HMGCL: variants seen among roughly 807,000 people sequenced by gnomAD.
HMGCL encodes 3-hydroxy-3-methylglutaryl-CoA lyase.
In HMGCL, 26 loss-of-function variants were observed where a neutral mutation model predicts 37.3. The ratio of observed to expected loss-of-function variants is 0.70; its 90% CI spans 0.51 to 0.97. The LOEUF is 0.97. Ranked by LOEUF, HMGCL falls within the 50% of genes least tolerant of loss-of-function variation. The pLI is 0.00. For synonymous variants in HMGCL, 151 were observed against 148.0 expected, an observed-to-expected ratio of 1.02 and a Z score of -0.15; for missense variants, 379 against 398.1, an observed-to-expected ratio of 0.95 and a Z score of 0.41.
In HMGCL at chr1:23,825,401, C is replaced by G. The variant is rs1382612083; in HGVS notation, c.15G>C (p.Arg5Ser). The G allele has an allele frequency of 6.4e-7, 1 of 1,560,254 alleles. No individual in the cohort carries two copies. Among genetic ancestry groups the G allele is most frequent in the African/African-American group, 1.4e-5 (1 of 73,424 alleles). ...CCACCAGTCGCCGCGGAAGCGCCTT[C>G]CTCATTGCTGCCATCTTGGCCCAGA... is the stretch of plus-strand genomic sequence containing the variant. MAAM[R>S]KALPRRLVGL... The change falls in exon 1 of 9, where the codon AGG becomes AGC. Residue 5 changes from arginine to serine, a missense_variant. Coordinates refer to ENST00000374490, the MANE Select transcript of HMGCL (RefSeq NM_000191.3).
intron 2 of HMGCL, among the ~76,000 whole-genome samples, chr1:23,818,612 C>G (rs927755398): frequency 1.3e-5 from 2 of 151,652 alleles, no homozygotes; most frequent in African/African-American, 2.4e-5. Context: ...AGTGCAGTGG[C>G]ACAATCTCAG....
chr1:23,804,691 T>G (rs1638369500), intron 7 of HMGCL, among the ~76,000 whole-genome samples, 166 bp from the exon 8 acceptor site: 1 of 152,196 alleles, frequency 6.6e-6, no homozygotes, highest in Non-Finnish European at 1.5e-5. Context: ...AGACAGTGCT[T>G]CTCCTTTTAG....
At chr1:23,805,082 CAA>C (rs1195078393) in intron 7 of HMGCL, among the ~76,000 whole-genome samples, 1 of 152,110 alleles carries the variant, frequency 6.6e-6, no homozygotes, top group Non-Finnish European at 1.5e-5. Flanking sequence ...TGGATGCAAT[CAA>C]GAGATGTCTC....
intron 4 of HMGCL, 35 bp downstream of exon 4, chr1:23,816,640 T>A (rs1557491808): frequency 2.3e-6 from 3 of 1,281,872 alleles, no homozygotes; most frequent in Non-Finnish European, 3.4e-6. Context: ...ATCAATCTCA[T>A]TTCAGGAGCC....
At chr1:23,817,740 T>C (rs1321225698) in intron 2 of HMGCL, among the ~76,000 whole-genome samples, 157 bp from the exon 3 acceptor site, 3 of 152,260 alleles carry the variant, frequency 2.0e-5, no homozygotes, top group Non-Finnish European at 2.9e-5. Context: ...TATTCTGCCA[T>C]GCAGGCTTTC....
Position 23,822,096 on chromosome 1 carries a change from C to T in HMGCL, c.61-1503G>A, listed in dbSNP as rs187232380. ...CCACTTCATCCCTAGTGTTTGGCAC[C>T]GTGTTTGGTACAAAGTAGCCACTCT... On this transcript the variant is annotated intron_variant, in intron 1 of 8. Transcript: ENST00000374490. Among the ~76,000 whole-genome samples, 477 of 152,266 alleles carry T rather than the reference C, an allele frequency of 3.1e-3. 3 individuals are homozygous for T. The highest frequency in any genetic ancestry group is 0.011 in the African/African-American group (447 of 41,546).
chr1:23,805,581 C>A (rs1306905857), intron 7 of HMGCL, among the ~76,000 whole-genome samples: 3 of 152,154 alleles, frequency 2.0e-5, no homozygotes, highest in African/African-American at 7.2e-5. Context: ...ATCTTGGACA[C>A]CTTCTCCATG....
intron 7 of HMGCL, chr1:23,807,149 C>T (rs1021474045): frequency 3.9e-6 from 2 of 518,940 alleles, no homozygotes; most frequent in Admixed American, 3.9e-5. Flanking sequence ...TTGCCTCAGA[C>T]TCACCTCAGC....
In HMGCL at chr1:23,814,206, T is replaced by C; in HGVS notation, c.481A>G (p.Asn161Asp). Residue 161 changes from asparagine to aspartate, a missense_variant, in exon 5 of 9, where the codon AAT becomes GAT. Transcript: ENST00000374490. ...CTGACTCACCCCCGCACAGAAATAT[T>C]GGCTGACTGCGCTGCCTTCAGGATT... is the stretch of plus-strand genomic sequence containing the variant. ...DAILKAAQSA[N>D]ISVRGYVSCA... is the part of the protein sequence containing the mutation. 1.2e-6 allele frequency: 2 copies of C among 1,613,900 alleles called. No individual in the cohort carries two copies. Among genetic ancestry groups the C allele is most frequent in the Non-Finnish European group, 1.7e-6 (2 of 1,180,024 alleles).
intron 8 of HMGCL, chr1:23,804,134 A>G: frequency 1.9e-6 from 1 of 513,386 alleles, no homozygotes; most frequent in South Asian, 2.1e-5. Flanking sequence ...TTGAAGAGAT[A>G]GGGTCTTGCT....
chr1:23,814,091 C>T (rs980107579), intron 5 of HMGCL, 99 bp downstream of exon 5: 8 of 1,340,342 alleles, frequency 6.0e-6, no homozygotes, highest in Admixed American at 3.4e-5. Flanking sequence ...CTGCCCCCAC[C>T]CAGGATAAGA....
intron 2 of HMGCL, among the ~76,000 whole-genome samples, chr1:23,820,179 T>TTA (rs1023130858): frequency 8.5e-4 from 129 of 152,258 alleles, no homozygotes; most frequent in African/African-American, 2.9e-3. Context: ...ACCATTCAGT[T>TTA]TATATATATA....
chr1:23,808,012 C>A, intron 7 of HMGCL, 123 bp downstream of exon 7: 1 of 864,742 alleles, frequency 1.2e-6, no homozygotes, highest in Non-Finnish European at 1.9e-6. Context: ...ATGACTGTGT[C>A]CACCATTGCC....
chr1:23,814,003 G>T lies in HMGCL; in HGVS notation c.497+187C>A, dbSNP rs192622578. On this transcript the variant is annotated intron_variant, in intron 5 of 8. Transcript: ENST00000374490. ...AGCTGGTAAACTGACCCAAAATTCA[G>T]GTTTGAGAGAAAGTACTTCCTAGGA... is the stretch of plus-strand genomic sequence containing the variant. 54 of 676,084 alleles carry T rather than the reference G, an allele frequency of 8.0e-5. No individual in the cohort carries two copies. The Admixed American group carries it at 8.4e-4, about 10-fold the overall frequency. The allele number at this position is 676,084 out of a possible 1,614,324, so 41.9% of individuals were successfully genotyped here.
chr1:23,802,419 C>T lies in HMGCL; in HGVS notation c.*44G>A. 1 of 1,129,858 alleles carries T rather than the reference C, an allele frequency of 8.9e-7. No individual in the cohort carries two copies. Among genetic ancestry groups the T allele is most frequent in the Non-Finnish European group, 1.4e-6 (1 of 737,862 alleles). 70.0% of individuals were successfully genotyped at this position (1,129,858 alleles called of 1,614,324 possible). A position where few individuals can be genotyped will look rare whatever the true frequency, so the allele number is the denominator to read the frequency against. Reference sequence around the variant, plus strand: ...CCATCCATGAATCATCTGTGTGTGCCCCTATTTCCACATCATCCCCAGGGC... The same window carrying T: ...CCATCCATGAATCATCTGTGTGTGCTCCTATTTCCACATCATCCCCAGGGC... On this transcript the variant is annotated 3_prime_UTR_variant, in exon 9 of 9. Transcript: ENST00000374490.
intron 7 of HMGCL, 57 bp downstream of exon 7, chr1:23,808,078 A>AGGCTG: frequency 4.1e-6 from 6 of 1,477,888 alleles, no homozygotes; most frequent in Non-Finnish European, 5.7e-6. Context: ...AATAAATGAT[A>AGGCTG]ACAAGCTGTC....
At chr1:23,823,977 G>C (rs913832788) in intron 1 of HMGCL, among the ~76,000 whole-genome samples, 14 of 152,172 alleles carry the variant, frequency 9.2e-5, no homozygotes, top group African/African-American at 3.1e-4. Flanking sequence ...AAACCTGGCA[G>C]TGTGGCTCTA....
chr1:23,813,227 G>GTTTTTTTTTTTTTTT, intron 5 of HMGCL, among the ~76,000 whole-genome samples: 1 of 70,800 alleles, frequency 1.4e-5, no homozygotes. Context: ...TGGCTGCAAT[G>GTTTTTTTTTTTTTTT]TTTTTTTTTT....
chr1:23,818,654 C>T lies in HMGCL; in HGVS notation c.145-1071G>A, dbSNP rs148311133. The stretch of plus-strand genomic sequence containing the variant: ...GCGACCTCCGCCTTCCGGGTTCAAG[C>T]GATTCTCCTGCCTCAGCCTCCAGAG... On this transcript the variant is annotated intron_variant, in intron 2 of 8. Transcript: ENST00000374490. 1.7e-3 allele frequency among the ~76,000 whole-genome samples: 258 copies of T among 151,968 alleles called. 1 individual carries two copies. The highest frequency in any genetic ancestry group is 5.7e-3 in the African/African-American group (237 of 41,418).
Sources: allele counts gnomAD v4.1 joint callset (sites outside exome capture counted in the v4.1 genomes callset), GRCh38; gene constraint gnomAD v4.1.1; transcripts MANE v1.5; gene names NCBI Gene and HGNC (gene_info 2026-07-23, HGNC 2026-07-21).